ZBTB34: variants seen among roughly 807,000 people sequenced by gnomAD.
The protein encoded by ZBTB34 is zinc finger and BTB domain containing 34.
Under a neutral mutation model 33.4 loss-of-function variants are expected in ZBTB34, and 1 was observed. The observed-to-expected ratio is 0.03, with a 90% CI of 0.01 to 0.14. ZBTB34 has a LOEUF of 0.14. Ranked by LOEUF, ZBTB34 falls within the 10% of genes least tolerant of loss-of-function variation. The pLI is 1.00. For missense variants in ZBTB34, 406 were observed against 657.2 expected, an observed-to-expected ratio of 0.62 and a Z score of 4.18; for synonymous variants, 283 against 253.5, an observed-to-expected ratio of 1.12 and a Z score of -1.11.
rs2033264043 is a variant in ZBTB34, at chr9:126,870,605, T to TG, written c.-10-8784dup. Among the ~76,000 whole-genome samples, 17 of 152,236 alleles carry TG rather than the reference T, an allele frequency of 1.1e-4. No homozygotes were observed. The South Asian group carries it at 3.5e-3, about 32-fold the overall frequency. On this transcript the variant is annotated intron_variant, in intron 1 of 1. Transcript: ENST00000319119. ...AACTTAGACAAATTGCCATTAAACA[T>TG]GAGAAAAGATATCAACCTCATTTAT...
chr9:126,878,731 T>G lies in ZBTB34; in HGVS notation c.-10-659T>G, dbSNP rs189500229. Reference sequence around the variant, plus strand: ...TTTAGTTTTGTTTTTGTTTTGTTTTTTTTTTTTTTTTAGAAGGAGTCTCAC... The same window carrying G: ...TTTAGTTTTGTTTTTGTTTTGTTTTGTTTTTTTTTTTAGAAGGAGTCTCAC... On this transcript the variant is annotated intron_variant, in intron 1 of 1. Coordinates refer to ENST00000319119, the Ensembl canonical transcript of ZBTB34. Among the ~76,000 whole-genome samples, 669 of 151,454 alleles carry G rather than the reference T, an allele frequency of 4.4e-3. 1 individual carries two copies. Among genetic ancestry groups the G allele is most frequent in the South Asian group, 0.012 (59 of 4,814 alleles).
chr9:126,876,076 G>A (rs1230853700), intron 1 of ZBTB34, among the ~76,000 whole-genome samples: 1 of 147,436 alleles, frequency 6.8e-6, no homozygotes, highest in Non-Finnish European at 1.5e-5. Context: ...TGAGGATATT[G>A]GGGCTAGCTA....
At chr9:126,871,645 A>C (rs912524966) in intron 1 of ZBTB34, among the ~76,000 whole-genome samples, 1 of 152,012 alleles carries the variant, frequency 6.6e-6, no homozygotes, top group African/African-American at 2.4e-5. Flanking sequence ...AGATTTCTTT[A>C]AAGTAGGGTA....
chr9:126,870,801 C>T (rs1320853442), intron 1 of ZBTB34, among the ~76,000 whole-genome samples: 2 of 152,116 alleles, frequency 1.3e-5, no homozygotes, highest in Non-Finnish European at 2.9e-5. Flanking sequence ...GTGGCTTGCA[C>T]CTGTGGCCTG....
At chr9:126,865,907 C>G (rs2033193875) in intron 1 of ZBTB34, among the ~76,000 whole-genome samples, 1 of 152,172 alleles carries the variant, frequency 6.6e-6, no homozygotes, top group African/African-American at 2.4e-5. Flanking sequence ...ATCACTTGAA[C>G]CTGGGTGGCG....
Position 126,879,321 on chromosome 9 carries a change from C to T in ZBTB34, c.-10-69C>T. ...GCCACAATGGTATTGTTGTTGTAAG[C>T]TTGTGTTTATGCCACTTGTACTTAG... On this transcript the variant is annotated intron_variant, in intron 1 of 1. Transcript: ENST00000319119. This position sits in a 1 kb window ranked among gnomAD's most constrained non-coding sequence, Gnocchi z 6.4. The T allele has an allele frequency of 7.8e-7, 1 of 1,287,876 alleles. No individual in the cohort carries two copies. Among genetic ancestry groups the T allele is most frequent in the Non-Finnish European group, 1.1e-6 (1 of 924,122 alleles). The allele number at this position is 1,287,876 out of a possible 1,614,324, so 79.8% of individuals were successfully genotyped here. A position where few individuals can be genotyped will look rare whatever the true frequency, so the allele number is the denominator to read the frequency against.
intron 1 of ZBTB34, among the ~76,000 whole-genome samples, chr9:126,876,896 T>TA (rs1408796814): frequency 2.0e-5 from 3 of 152,018 alleles, no homozygotes; most frequent in East Asian, 1.9e-4. Flanking sequence ...TTCGATGTGA[T>TA]AAAAAAAAAT....
exon 2 of ZBTB34, chr9:126,883,800 G>A (rs565318597): frequency 6.0e-6 from 1 of 167,140 alleles, no homozygotes. Flanking sequence ...CTCTCTGAGC[G>A]TTCGCACTGT....
At chr9:126,874,366 T>G (rs971772347) in intron 1 of ZBTB34, among the ~76,000 whole-genome samples, 2 of 152,232 alleles carry the variant, frequency 1.3e-5, no homozygotes, top group Admixed American at 1.3e-4. Flanking sequence ...ATGTATGTTC[T>G]AGGTATTTTT....
chr9:126,880,892 C>G lies in ZBTB34; in HGVS notation c.1493C>G (p.Thr498Arg). ...CTAGATTCCCGGATGGAAATTCACA[C>G]AGTGTCTGATGCTCCCGATTAAGAT... The change falls in exon 2 of 2, where the codon ACA (threonine) becomes AGA (arginine). Residue 498 changes from threonine (T) to arginine (R), a missense_variant. By Grantham distance (71) the Thr-to-Arg change is moderately conservative. Around this residue, in one of 6 missense-constraint regions of ZBTB34, gnomAD observed 58 missense variants for 58.7 expected, o/e 0.99. Transcript: ENST00000319119. The surrounding 1 kb of genome is among the most constrained non-coding windows in gnomAD (Gnocchi z 6.7). The G allele has an allele frequency of 6.2e-7, 1 of 1,612,308 alleles. No individual in the cohort carries two copies. The highest frequency in any genetic ancestry group is 8.5e-7 in the Non-Finnish European group (1 of 1,179,308).
chr9:126,876,173 TCCC>T (rs1564224308), intron 1 of ZBTB34, among the ~76,000 whole-genome samples: 1 of 1,558 alleles, frequency 6.4e-4, no homozygotes, highest in African/African-American at 5.1e-3. Context: ...CTTCCCCCCT[TCCC>T]CCCTTTCCCC....
rs1243177434 is a variant in ZBTB34 at position 126,880,612 on chromosome 9, G to C, written c.1213G>C (p.Val405Leu). Residue 405 changes from valine (V) to leucine (L), a missense_variant, in exon 2 of 2, where the codon GTG (valine) becomes CTG (leucine). Around this residue, in one of 6 missense-constraint regions of ZBTB34, gnomAD observed 36 missense variants for 109.4 expected, o/e 0.33. Coordinates refer to ENST00000319119, the Ensembl canonical transcript of ZBTB34. The surrounding 1 kb of genome is among the most constrained non-coding windows in gnomAD (Gnocchi z 6.7). ...ACTCCATATGGGAATCACCCCCTTT[G>C]TGTGCAAGTTCTGTGGGAAGAAGTA... 1 of 1,613,780 alleles carries C rather than the reference G, an allele frequency of 6.2e-7. No individual in the cohort carries two copies. Among genetic ancestry groups the C allele is most frequent in the Non-Finnish European group, 8.5e-7 (1 of 1,179,910 alleles).
chr9:126,864,850 G>A (rs1003970684), intron 1 of ZBTB34, among the ~76,000 whole-genome samples: 6 of 151,964 alleles, frequency 3.9e-5, no homozygotes, highest in African/African-American at 9.7e-5. Flanking sequence ...TTTTGTCTGC[G>A]GTGCTTCAGT....
chr9:126,883,375 G>GAGGGAGGGCACCT (rs1372712997), exon 2 of ZBTB34: 1 of 167,106 alleles, frequency 6.0e-6, no homozygotes, highest in East Asian at 1.9e-4. Context: ...AGACAGTGAG[G>GAGGGAGGGCACCT]AGGGAGGGCA....
At chr9:126,865,539 G>T (rs190809143) in intron 1 of ZBTB34, among the ~76,000 whole-genome samples, 1 of 152,304 alleles carries the variant, frequency 6.6e-6, no homozygotes, top group East Asian at 1.9e-4. Flanking sequence ...GGCCCAGGTG[G>T]GTGTTTTGCC....
At chr9:126,870,492 G>A (rs998082812) in intron 1 of ZBTB34, among the ~76,000 whole-genome samples, 1 of 152,162 alleles carries the variant, frequency 6.6e-6, no homozygotes, top group African/African-American at 2.4e-5. Flanking sequence ...ATGACAAAAG[G>A]CTAATTTCCT....
At chr9:126,882,402 A>G (rs1209291171) in exon 2 of ZBTB34, 1 of 167,134 alleles carries the variant, frequency 6.0e-6, no homozygotes, top group Non-Finnish European at 1.5e-5. Context: ...ACGTTACTGT[A>G]TGAAAACATA....
rs138428067 is a variant in ZBTB34, at chr9:126,867,500, G to GT, written c.-11+6769dup. 3.6e-3 allele frequency among the ~76,000 whole-genome samples: 536 copies of GT among 147,490 alleles called. 4 individuals carry two copies. Among genetic ancestry groups the GT allele is most frequent in the African/African-American group, 0.012 (473 of 40,000 alleles). On this transcript the variant is annotated intron_variant, in intron 1 of 1. Transcript: ENST00000319119. ...ATCCTTTGCCCATTCTCCCATAGGGGTTTTTTTTGTGTATGTCACCTAATT... is the reference window on the plus strand; with the variant it reads ...ATCCTTTGCCCATTCTCCCATAGGGGTTTTTTTTTGTGTATGTCACCTAATT...
intron 1 of ZBTB34, 67 bp downstream of exon 1, chr9:126,860,806 G>T: frequency 6.8e-6 from 1 of 147,346 alleles, no homozygotes; most frequent in South Asian, 1.8e-4. Context: ...GGGGCAGGCG[G>T]GGCGGGGGGC....
Sources: allele counts gnomAD v4.1 joint callset (sites outside exome capture counted in the v4.1 genomes callset), GRCh38; gene constraint gnomAD v4.1.1; regional missense constraint gnomAD v4.1.1; non-coding constraint Gnocchi (gnomAD v3.1); transcripts MANE v1.5; gene names NCBI Gene and HGNC (gene_info 2026-07-23, HGNC 2026-07-21).